Variants in KIAA2012 observed in about 807,000 individuals in gnomAD.
KIAA2012 encodes uncharacterized protein KIAA2012.
KIAA2012 carries 125 observed loss-of-function variants against 150.6 expected under a neutral mutation model. The observed-to-expected ratio is 0.83, with a 90% CI of 0.72 to 0.96. The LOEUF (loss-of-function observed/expected upper bound fraction) is 0.96. KIAA2012 is among the 40% of genes least tolerant of loss of function. KIAA2012 has a pLI of 0.00. For synonymous variants in KIAA2012, 462 were observed against 504.7 expected, an observed-to-expected ratio of 0.92 and a Z score of 1.13; for missense variants, 1,219 against 1,354.9, an observed-to-expected ratio of 0.90 and a Z score of 1.57.
intron 15 of KIAA2012, 97 bp from the exon 16 acceptor site, chr2:202,184,656 C>T: frequency 1.3e-6 from 1 of 755,514 alleles, no homozygotes; most frequent in Non-Finnish European, 2.0e-6. Flanking sequence ...AATTTGCATG[C>T]CTTTGGCTAC....
At chr2:202,164,821 A>G (rs1691725406) in intron 14 of KIAA2012, among the ~76,000 whole-genome samples, 1 of 152,178 alleles carries the variant, frequency 6.6e-6, no homozygotes, top group Admixed American at 6.5e-5. Context: ...AAACTCCTAC[A>G]TGCCTTAGGC....
chr2:202,074,332 G>A (rs1015652077), intron 1 of KIAA2012, among the ~76,000 whole-genome samples: 5 of 152,124 alleles, frequency 3.3e-5, no homozygotes, highest in Admixed American at 1.3e-4. Context: ...TTTGACCTTT[G>A]CTGTGTTAAA....
At chr2:202,077,305 T>C (rs531478063) in intron 2 of KIAA2012, among the ~76,000 whole-genome samples, 4 of 152,326 alleles carry the variant, frequency 2.6e-5, no homozygotes, top group African/African-American at 9.6e-5. Context: ...ATAGGCTAAC[T>C]CACTGCCCAG....
chr2:202,133,002 G>C (rs1159118952), intron 12 of KIAA2012, among the ~76,000 whole-genome samples: 1 of 141,990 alleles, frequency 7.0e-6, no homozygotes, highest in Admixed American at 7.1e-5. Context: ...CTACTCAGGA[G>C]GCTGAGGTGG....
chr2:202,160,153 A>C (rs1284095635), intron 14 of KIAA2012, among the ~76,000 whole-genome samples: 4 of 152,092 alleles, frequency 2.6e-5, no homozygotes, highest in Non-Finnish European at 5.9e-5. Context: ...AAATCCCCAC[A>C]ATATCAGAGA....
At chr2:202,151,001 C>T (rs1260541933) in intron 13 of KIAA2012, among the ~76,000 whole-genome samples, 1 of 152,106 alleles carries the variant, frequency 6.6e-6, no homozygotes, top group Non-Finnish European at 1.5e-5. Flanking sequence ...CAGAGGGGTG[C>T]CTCATGGGGT....
chr2:202,096,077 A>C (rs548379396), intron 4 of KIAA2012, among the ~76,000 whole-genome samples: 14 of 152,066 alleles, frequency 9.2e-5, no homozygotes, highest in Non-Finnish European at 1.5e-4. Flanking sequence ...GAGTGAGACT[A>C]CGTCCCCCGC....
intron 2 of KIAA2012, among the ~76,000 whole-genome samples, chr2:202,086,167 C>CAAAAAAAAAAAAAAAAAAAAAAAAA (rs56207993): frequency 1.1e-5 from 1 of 90,148 alleles, no homozygotes; most frequent in Non-Finnish European, 2.1e-5. Flanking sequence ...AACTCTGTCT[C>CAAAAAAAAAAAAAAAAAAAAAAAAA]AAAAAAAAAA....
At chr2:202,182,885 G>A (rs535260372) in intron 15 of KIAA2012, among the ~76,000 whole-genome samples, 1 of 152,106 alleles carries the variant, frequency 6.6e-6, no homozygotes, top group South Asian at 2.1e-4. Flanking sequence ...GACTGTGGGG[G>A]TTTTGTTTCT....
chr2:202,087,510 C>CAAAAAAAAAAAAA (rs59728832), intron 2 of KIAA2012, among the ~76,000 whole-genome samples: 3 of 52,524 alleles, frequency 5.7e-5, no homozygotes, highest in Non-Finnish European at 9.8e-5. Flanking sequence ...GAAACCATCT[C>CAAAAAAAAAAAAA]AAAAAAAAAA....
chr2:202,202,132 A>G (rs1382038956), intron 22 of KIAA2012, among the ~76,000 whole-genome samples: 1 of 152,212 alleles, frequency 6.6e-6, no homozygotes, highest in East Asian at 1.9e-4. Context: ...GATTGCAGGC[A>G]TGAGCCACTG....
intron 4 of KIAA2012, among the ~76,000 whole-genome samples, chr2:202,096,136 C>T (rs1689878023): frequency 6.6e-6 from 1 of 152,138 alleles, no homozygotes; most frequent in Non-Finnish European, 1.5e-5. Flanking sequence ...TCACTTCCTC[C>T]ACCCTCAGAA....
intron 22 of KIAA2012, among the ~76,000 whole-genome samples, chr2:202,198,182 A>G (rs992681110): frequency 6.6e-6 from 1 of 151,490 alleles, no homozygotes; most frequent in East Asian, 1.9e-4. Context: ...CTCAAAAAAA[A>G]AAAAAAAAAA....
chr2:202,114,902 G>GAATT (rs1325062443), intron 11 of KIAA2012: 1 of 167,272 alleles, frequency 6.0e-6, no homozygotes, highest in Non-Finnish European at 1.5e-5. Flanking sequence ...TTGAATGAAT[G>GAATT]AATGAATGAA....
intron 12 of KIAA2012, among the ~76,000 whole-genome samples, chr2:202,133,109 A>AATATAT (rs1553556980): frequency 6.8e-5 from 6 of 87,884 alleles, no homozygotes; most frequent in African/African-American, 2.3e-4. Flanking sequence ...TCTAAAAAAA[A>AATATAT]ATATATATAT....
intron 11 of KIAA2012, among the ~76,000 whole-genome samples, chr2:202,118,942 T>C (rs1245305913): frequency 6.6e-6 from 1 of 152,228 alleles, no homozygotes; most frequent in Non-Finnish European, 1.5e-5. Flanking sequence ...CTACCTCATA[T>C]GTAGCTGAAA....
intron 22 of KIAA2012, chr2:202,197,373 C>T (rs1692433750): frequency 6.7e-6 from 2 of 299,472 alleles, no homozygotes; most frequent in South Asian, 4.8e-5. Flanking sequence ...TTCGAACCCA[C>T]TGCCTGTCTT....
intron 9 of KIAA2012, 146 bp from the exon 10 acceptor site, chr2:202,109,467 T>A (rs1248969901): frequency 1.6e-6 from 1 of 638,416 alleles, no homozygotes; most frequent in Non-Finnish European, 2.5e-6. Flanking sequence ...CCAGGACAAT[T>A]TCTCCCTTCT....
rs1465214208 is a variant in KIAA2012, at chr2:202,075,059, C to A, written c.253C>A (p.Pro85Thr). 7 of 1,550,452 alleles carry A rather than the reference C, an allele frequency of 4.5e-6. No homozygotes were observed. The highest frequency in any genetic ancestry group is 4.1e-5 in the African/African-American group (3 of 73,046). Reference protein sequence around the residue: ...SEGFAISAWTPKERRKGPYCP... With the variant: ...SEGFAISAWTTKERRKGPYCP... ...AGGTTTTGCCATTTCGGCATGGACA[C>A]CCAAAGAGAGGAGAAAAGGCCCCTA... The change falls in exon 2 of 24, where the codon CCC (proline) becomes ACC (threonine). Residue 85 changes from proline (P) to threonine (T), a missense_variant. Transcript: ENST00000498697.
Sources: allele counts gnomAD v4.1 joint callset (sites outside exome capture counted in the v4.1 genomes callset), GRCh38; gene constraint gnomAD v4.1.1; transcripts MANE v1.5; gene names NCBI Gene and HGNC (gene_info 2026-07-23, HGNC 2026-07-21).